The following NTM variants were observed in gnomAD, a reference collection of about 807,000 sequenced individuals.
NTM encodes the protein IgLON family member 2.
A neutral mutation model predicts 42.1 loss-of-function variants in NTM; 13 were observed. The ratio of observed to expected loss-of-function variants is 0.31; its 90% CI spans 0.20 to 0.49. NTM has a LOEUF of 0.49. Ranked by LOEUF, NTM falls within the 20% of genes least tolerant of loss-of-function variation. The pLI is 0.99. For missense variants in NTM, 373 were observed against 452.8 expected (o/e 0.82, Z 1.60); for synonymous variants, 187 against 179.2 (o/e 1.04, Z -0.35).
chr11:132,098,759 G>C (rs932784408), intron 2 of NTM, among the ~76,000 whole-genome samples: 2 of 152,254 alleles, frequency 1.3e-5, no homozygotes, highest in African/African-American at 4.8e-5. Flanking sequence ...AGGAGATGTA[G>C]CCCCAACCTG....
chr11:132,280,329 A>T (rs2093920625), intron 4 of NTM, among the ~76,000 whole-genome samples: 1 of 152,116 alleles, frequency 6.6e-6, no homozygotes, highest in South Asian at 2.1e-4. Context: ...TAACATGGTG[A>T]AAGTACAGGA....
At chr11:131,618,571 G>A (rs1162916492) in intron 1 of NTM, among the ~76,000 whole-genome samples, 1 of 152,154 alleles carries the variant, frequency 6.6e-6, no homozygotes, top group Non-Finnish European at 1.5e-5. Flanking sequence ...TTAAGTTCAA[G>A]GAAGAGAGGT....
chr11:131,942,091 AGTT>A (rs1565788508), intron 2 of NTM, among the ~76,000 whole-genome samples: 1 of 152,214 alleles, frequency 6.6e-6, no homozygotes, highest in East Asian at 1.9e-4. Context: ...AAATGAAAGA[AGTT>A]GTCATATCAC....
At chr11:131,921,267 A>G (rs773902931) in intron 2 of NTM, among the ~76,000 whole-genome samples, 29 of 151,994 alleles carry the variant, frequency 1.9e-4, no homozygotes, top group Admixed American at 7.2e-4. Flanking sequence ...GTGCCTCTAA[A>G]CCAATATAAC....
At chr11:132,131,845 C>T (rs2066882941) in intron 2 of NTM, among the ~76,000 whole-genome samples, 1 of 152,280 alleles carries the variant, frequency 6.6e-6, no homozygotes, top group Middle Eastern at 3.4e-3. Context: ...CCCGCTCCCA[C>T]TGCCTGGTGT....
intron 4 of NTM, among the ~76,000 whole-genome samples, chr11:132,290,711 C>A (rs74440670): frequency 0.013 from 1,927 of 152,214 alleles, 39 homozygotes; most frequent in African/African-American, 0.044. Context: ...ATAACCCATC[C>A]ATTTTAATAT....
intron 1 of NTM, among the ~76,000 whole-genome samples, chr11:131,643,041 G>A (rs2739301): frequency 0.88 from 131,529 of 149,996 alleles, 57,739 homozygotes; most frequent in African/African-American, 0.92. Flanking sequence ...ACACTTAAAG[G>A]AAAAAGAATG....
intron 1 of NTM, among the ~76,000 whole-genome samples, chr11:131,517,079 G>GT (rs1326289583): frequency 6.6e-6 from 1 of 152,202 alleles, no homozygotes; most frequent in African/African-American, 2.4e-5. Context: ...GTCTTTCCCA[G>GT]TTTTGCAGCA....
chr11:131,736,449 A>T (rs1253427497), intron 1 of NTM, among the ~76,000 whole-genome samples: 1 of 152,164 alleles, frequency 6.6e-6, no homozygotes, highest in Non-Finnish European at 1.5e-5. Context: ...TATCTGTCTG[A>T]GGTCCAAACT....
rs536393720 is a variant in NTM, at chr11:131,683,071, C to G, written c.83-228493C>G. On this transcript the variant is annotated intron_variant, in intron 1 of 8. Coordinates refer to ENST00000683400, the MANE Select transcript of NTM (RefSeq NM_001352005.2). ...ATTCTGTGGCGAAAATAACAACCCA[C>G]AGTCATCTGCACAGCAATTATTATT... is the stretch of plus-strand genomic sequence containing the variant. 7.2e-5 allele frequency among the ~76,000 whole-genome samples: 11 copies of G among 152,322 alleles called. No individual in the cohort carries two copies. The South Asian group carries it at 2.3e-3, about 32-fold the overall frequency.
chr11:131,794,788 G>T, intron 1 of NTM: 1 of 985,430 alleles, frequency 1.0e-6, no homozygotes. Flanking sequence ...AAGCATTCAT[G>T]TACTTTGGAA....
intron 2 of NTM, among the ~76,000 whole-genome samples, chr11:132,111,850 T>C (rs1439084927): frequency 6.6e-6 from 1 of 152,262 alleles, no homozygotes; most frequent in Non-Finnish European, 1.5e-5. Context: ...TGGTTAGTAA[T>C]AAAGATGCTT....
intron 2 of NTM, among the ~76,000 whole-genome samples, chr11:132,109,514 A>T (rs1223293282): frequency 2.0e-5 from 3 of 152,202 alleles, no homozygotes; most frequent in Non-Finnish European, 4.4e-5. Flanking sequence ...AAGGAAAAAA[A>T]TTAAATATTT....
chr11:131,794,770 C>A (rs774136843), intron 1 of NTM: 7 of 985,352 alleles, frequency 7.1e-6, no homozygotes, highest in Non-Finnish European at 8.4e-6. Flanking sequence ...CTCCACACAC[C>A]ATGTGAAAAG....
Position 132,146,194 on chromosome 11 carries a change from G to A in NTM, c.168-88G>A. 1 of 1,534,118 alleles carries A rather than the reference G, an allele frequency of 6.5e-7. No homozygotes were observed. The highest frequency in any genetic ancestry group is 8.8e-7 in the Non-Finnish European group (1 of 1,137,560). On this transcript the variant is annotated intron_variant, in intron 2 of 8. Coordinates refer to ENST00000683400, the MANE Select transcript of NTM (RefSeq NM_001352005.2). The surrounding 1 kb of genome is among the most constrained non-coding windows in gnomAD (Gnocchi z 4.5). ...GTGTTGGGGGAAGGGAGAAAGACAAGATATTCTAGCCTTGCCATGAGGACC... is the reference window on the plus strand; with the variant it reads ...GTGTTGGGGGAAGGGAGAAAGACAAAATATTCTAGCCTTGCCATGAGGACC...
At chr11:131,970,136 A>G (rs1309837614) in intron 2 of NTM, among the ~76,000 whole-genome samples, 1 of 152,240 alleles carries the variant, frequency 6.6e-6, no homozygotes, top group Non-Finnish European at 1.5e-5. Context: ...AGGCAATGAA[A>G]GCAATGCAAT....
At chr11:131,946,970 C>T (rs1034920407) in intron 2 of NTM, among the ~76,000 whole-genome samples, 4 of 151,960 alleles carry the variant, frequency 2.6e-5, no homozygotes, top group African/African-American at 9.7e-5. Flanking sequence ...TAATGGTATA[C>T]AAATTAAAAG....
intron 1 of NTM, among the ~76,000 whole-genome samples, chr11:131,408,103 C>G (rs1946002436): frequency 6.6e-6 from 1 of 152,174 alleles, no homozygotes; most frequent in Admixed American, 6.5e-5. Context: ...TGGGCATTTC[C>G]AGGCCTCCCC....
rs149966495 is a variant in NTM at position 131,481,308 on chromosome 11, G to A, written c.82+110420G>A. Among the ~76,000 whole-genome samples the A allele has an allele frequency of 5.1e-4, 78 of 152,300 alleles. No individual in the cohort carries two copies. In the East Asian group the frequency reaches 0.012, roughly 23 times the overall value. On this transcript the variant is annotated intron_variant, in intron 1 of 8. Transcript: ENST00000683400. ...TAGAAGATCCCCTGAACGTGGAGACGGTGAAAGTGTGTGGCTCCCATCTCC... is the reference window on the plus strand; with the variant it reads ...TAGAAGATCCCCTGAACGTGGAGACAGTGAAAGTGTGTGGCTCCCATCTCC...
Sources: gnomAD v4.1 joint callset for allele counts (sites outside exome capture counted in the v4.1 genomes callset) on GRCh38, gnomAD v4.1.1 for gene constraint, Gnocchi (gnomAD v3.1) non-coding constraint, MANE v1.5 for transcripts, NCBI Gene and HGNC (gene_info 2026-07-23, HGNC 2026-07-21) for gene names.